KIF27: variants seen among roughly 807,000 people sequenced by gnomAD.
The protein encoded by KIF27 is kinesin-like protein KIF27.
KIF27 carries 84 observed loss-of-function variants against 141.8 expected under a neutral mutation model. The ratio of observed to expected loss-of-function variants is 0.59; its 90% confidence interval spans 0.50 to 0.71. The LOEUF (loss-of-function observed/expected upper bound fraction) is 0.71. KIF27 is among the 30% of genes least tolerant of loss of function. The pLI, the probability that KIF27 is intolerant of heterozygous loss-of-function variation, is 0.00. For synonymous variants in KIF27, 471 were observed against 569.5 expected, an observed-to-expected ratio of 0.83 and a Z score of 2.46; for missense variants, 1,306 against 1,628.4, an observed-to-expected ratio of 0.80 and a Z score of 3.41.
intron 7 of KIF27, 147 bp downstream of exon 7, chr9:83,888,937 C>T: frequency 1.3e-6 from 1 of 787,656 alleles, no homozygotes; most frequent in Non-Finnish European, 1.8e-6. Flanking sequence ...ATTTTCATAA[C>T]ACATTAGATG....
Position 83,842,274 on chromosome 9 carries a change from T to C in KIF27, c.3684A>G (p.Val1228=). The change falls in exon 17 of 18, where the codon GTA becomes GTG. Residue 1228 remains valine (V), a synonymous_variant. Transcript: ENST00000297814. ...CTAGTTGCCGCCGAATTGCTTCCCC[T>C]ACCAGTTCCTTAAGTTTCTTCTTAT... ...RDHKKKLKEL[V]GEAIRRQLAP... 6.4e-7 allele frequency: 1 copy of C among 1,566,804 alleles called. No individual in the cohort carries two copies. Among genetic ancestry groups the C allele is most frequent in the Non-Finnish European group, 8.6e-7 (1 of 1,164,464 alleles).
chr9:83,902,804 G>A (rs58677579), intron 4 of KIF27, among the ~76,000 whole-genome samples: 3 of 149,364 alleles, frequency 2.0e-5, no homozygotes, highest in Admixed American at 2.0e-4. Flanking sequence ...GAATTGTGAG[G>A]AGGAAGCAAT....
At chr9:83,842,054 A>G (rs1379229094) in intron 17 of KIF27, among the ~76,000 whole-genome samples, 183 bp downstream of exon 17, 1 of 152,242 alleles carries the variant, frequency 6.6e-6, no homozygotes, top group East Asian at 1.9e-4. Context: ...TTGCATCTAT[A>G]AATTTGTTCA....
chr9:83,904,220 C>T (rs574755849), intron 3 of KIF27, among the ~76,000 whole-genome samples: 2 of 152,246 alleles, frequency 1.3e-5, no homozygotes, highest in East Asian at 1.9e-4. Flanking sequence ...ACAGACAGCA[C>T]TTATTTTGAT....
chr9:83,862,518 T>C (rs1312198564), intron 13 of KIF27, among the ~76,000 whole-genome samples: 1 of 152,178 alleles, frequency 6.6e-6, no homozygotes, highest in Non-Finnish European at 1.5e-5. Flanking sequence ...GGCTCTGTTC[T>C]GTTCCACTGG....
chr9:83,916,226 T>C (rs2132820701), intron 1 of KIF27, among the ~76,000 whole-genome samples: 1 of 152,046 alleles, frequency 6.6e-6, no homozygotes, highest in South Asian at 2.1e-4. Context: ...AGAGACAGGG[T>C]TTCACCATAT....
At chr9:83,850,609 C>T (rs1465680090) in intron 15 of KIF27, among the ~76,000 whole-genome samples, 2 of 151,470 alleles carry the variant, frequency 1.3e-5, no homozygotes, top group Admixed American at 1.3e-4. Flanking sequence ...AGTAAAACCC[C>T]GTCTCTACTA....
At position 83,913,462 on chromosome 9, in the gene KIF27, A is replaced by G. The variant is rs192884981; in HGVS notation, c.298+1832T>C. Among the ~76,000 whole-genome samples, 428 of 151,862 alleles carry G rather than the reference A, an allele frequency of 2.8e-3. 3 individuals are homozygous for G. Among genetic ancestry groups the G allele is most frequent in the African/African-American group, 8.2e-3 (340 of 41,454 alleles). ...AATCCAACTTTTTTTTTTTTGAGAC[A>G]GAGTTTGGTCTGTTGCCCAGGCTGG... On this transcript the variant is annotated intron_variant, in intron 2 of 17. Transcript: ENST00000297814.
rs112991542 is a variant in KIF27, at chr9:83,917,043, T to A, written c.-87-1365A>T. On this transcript the variant is annotated intron_variant, in intron 1 of 17. Transcript: ENST00000297814. ...ACATGTGCACAACGTGCAGGTTTGT[T>A]ACATATGTATACATGTGCCATGTTG... is the stretch of plus-strand genomic sequence containing the variant. 6.6e-5 allele frequency among the ~76,000 whole-genome samples: 10 copies of A among 152,162 alleles called. 1 individual carries two copies. The highest frequency in any genetic ancestry group is 2.4e-4 in the African/African-American group (10 of 41,528).
chr9:83,857,520 G>A (rs747408575), intron 14 of KIF27, among the ~76,000 whole-genome samples: 5 of 152,224 alleles, frequency 3.3e-5, no homozygotes, highest in Admixed American at 1.3e-4. Flanking sequence ...CAGAATAGCC[G>A]CAAAATAGGT....
intron 10 of KIF27, among the ~76,000 whole-genome samples, chr9:83,883,181 G>A (rs1044759211): frequency 1.2e-4 from 18 of 152,094 alleles, no homozygotes; most frequent in African/African-American, 4.3e-4. Flanking sequence ...TAGACCATGA[G>A]AGATAAAGAA....
At chr9:83,910,883 C>G (rs1286344128) in intron 2 of KIF27, among the ~76,000 whole-genome samples, 1 of 152,002 alleles carries the variant, frequency 6.6e-6, no homozygotes, top group Non-Finnish European at 1.5e-5. Context: ...ACATTATTTA[C>G]AGGAGCTACA....
intron 5 of KIF27, among the ~76,000 whole-genome samples, chr9:83,897,391 C>G (rs1206673400): frequency 5.9e-5 from 9 of 152,130 alleles, no homozygotes; most frequent in African/African-American, 1.9e-4. Context: ...ATAAATGATG[C>G]TAGAACAAAT....
Position 83,837,219 on chromosome 9 carries a change from AC to A in KIF27, c.3987del (p.Gln1329HisfsTer28), listed in dbSNP as rs1188559360. ...GACAGTCGACTGTGAGATTTTGTAA[AC>A]TGATTATCATCTGTTTCTGTTTTAT... ...NENKTETDDN[Q>X]FTKSHSRLSS... On this transcript the variant is annotated frameshift_variant, in exon 18 of 18. Coordinates refer to ENST00000297814, the MANE Select transcript of KIF27 (RefSeq NM_017576.4). LOFTEE classifies it high-confidence loss of function. The A allele has an allele frequency of 1.9e-6, 3 of 1,613,610 alleles. No individual in the cohort carries two copies. In the African/African-American group the frequency reaches 4.0e-5, roughly 22 times the overall value.
intron 14 of KIF27, among the ~76,000 whole-genome samples, chr9:83,856,017 T>C (rs1361487693): frequency 6.6e-6 from 1 of 152,210 alleles, no homozygotes; most frequent in Non-Finnish European, 1.5e-5. Context: ...GCTGACAAGA[T>C]ACGTGGCAAT....
intron 2 of KIF27, among the ~76,000 whole-genome samples, chr9:83,911,823 G>A (rs923107644): frequency 1.3e-5 from 2 of 152,132 alleles, no homozygotes; most frequent in African/African-American, 2.4e-5. Flanking sequence ...GAGCCACCAC[G>A]CCTGGCCTCC....
intron 13 of KIF27, chr9:83,863,580 G>A (rs1322596269): frequency 6.6e-6 from 1 of 152,196 alleles, no homozygotes; most frequent in Non-Finnish European, 1.5e-5. Flanking sequence ...CGGTTTGCCA[G>A]TATTTTATTG....
At chr9:83,895,198 C>T (rs1353486809) in intron 5 of KIF27, among the ~76,000 whole-genome samples, 3 of 146,992 alleles carry the variant, frequency 2.0e-5, no homozygotes, top group Non-Finnish European at 4.5e-5. Flanking sequence ...GGAGGCAGAG[C>T]TTGCAGTGAG....
rs905380950 is a variant in KIF27, at chr9:83,837,524, T to G, written c.3722-39A>C. 5.2e-6 allele frequency: 8 copies of G among 1,536,480 alleles called. No individual in the cohort carries two copies. The African/African-American group carries it at 1.1e-4, about 21-fold the overall frequency. On this transcript the variant is annotated intron_variant, in intron 17 of 17. Coordinates refer to ENST00000297814, the MANE Select transcript of KIF27 (RefSeq NM_017576.4). Reference sequence around the variant, plus strand: ...CCAAACCAAAAAATTAGATACTATTTCCTCAAAATTAGGTATTTTAATCAA... The same window carrying G: ...CCAAACCAAAAAATTAGATACTATTGCCTCAAAATTAGGTATTTTAATCAA...
Sources: gnomAD v4.1 joint callset for allele counts (sites outside exome capture counted in the v4.1 genomes callset) on GRCh38, gnomAD v4.1.1 for gene constraint, MANE v1.5 for transcripts, NCBI Gene and HGNC (gene_info 2026-07-23, HGNC 2026-07-21) for gene names.